SGTA: variants seen among roughly 807,000 people sequenced by gnomAD.
SGTA encodes the protein small glutamine rich tetratricopeptide repeat co-chaperone alpha, also known as small glutamine-rich tetratricopeptide repeat-containing protein alpha.
Under a neutral mutation model 44.3 loss-of-function variants are expected in SGTA, and 22 were observed. That is an observed-to-expected ratio of 0.50 (90% CI 0.36 to 0.71). The LOEUF is 0.71. Ranked by LOEUF, SGTA falls within the 30% of genes least tolerant of loss-of-function variation. The pLI, the probability that SGTA is intolerant of heterozygous loss-of-function variation, is 0.00. For missense variants in SGTA, 341 were observed against 435.9 expected (o/e 0.78, Z 1.94); for synonymous variants, 174 against 177.6 (o/e 0.98, Z 0.16).
At chr19:2,758,257 G>C (rs1014980533) in intron 9 of SGTA, among the ~76,000 whole-genome samples, 1 of 152,176 alleles carries the variant, frequency 6.6e-6, no homozygotes, top group African/African-American at 2.4e-5. Flanking sequence ...GGCCAGCCGC[G>C]GTGGCTCACA....
Position 2,761,336 on chromosome 19 carries a change from C to G in SGTA, c.699+124G>C. On this transcript the variant is annotated intron_variant, in intron 8 of 11. Transcript: ENST00000221566. This position sits in a 1 kb window ranked among gnomAD's most constrained non-coding sequence, Gnocchi z 5.7. ...GCCCAGGACGACCCCACAGACAAGA[C>G]CCATCTGGTTCCAGAAGCCAGCAGT... 1.1e-6 allele frequency: 1 copy of G among 912,982 alleles called. No homozygotes were observed. Among genetic ancestry groups the G allele is most frequent in the Non-Finnish European group, 1.7e-6 (1 of 584,490 alleles). The allele number at this position is 912,982 out of a possible 1,614,324, so 56.6% of individuals were successfully genotyped here.
chr19:2,770,187 C>G (rs1915268477), intron 1 of SGTA: 1 of 169,624 alleles, frequency 5.9e-6, no homozygotes, highest in African/African-American at 2.4e-5. Context: ...GTTCCTCATT[C>G]CCAGGACTTG....
Position 2,757,438 on chromosome 19 carries a change from G to T in SGTA, c.847C>A (p.Gln283Lys). ...AACTCTGGGTTCTGCTGCTGCATCT[G>T]CTGGGCAAACTGCTGGCCCCTGCGG... ...LIQAGQQFAQ[Q>K]MQQQNPELIE... Residue 283 changes from glutamine (Q) to lysine (K), a missense_variant, in exon 11 of 12, where the codon CAG becomes AAG. Gln to Lys is a moderately conservative substitution (Grantham distance 53). Transcript: ENST00000221566. The T allele has an allele frequency of 6.2e-7, 1 of 1,608,866 alleles. No individual in the cohort carries two copies.
chr19:2,762,660 G>A lies in SGTA; in HGVS notation c.498-16C>T, dbSNP rs375297779. On this transcript the variant is annotated splice_polypyrimidine_tract_variant and intron_variant, in intron 6 of 11. Coordinates refer to ENST00000221566, the MANE Select transcript of SGTA (RefSeq NM_003021.4). ...GAGCGCCAGGCTGGAGGAGAGCACC[G>A]GGGATGGACTGTTCCCATCTGCCCA... is the stretch of plus-strand genomic sequence containing the variant. 5.8e-5 allele frequency: 93 copies of A among 1,613,146 alleles called. No individual in the cohort carries two copies. The highest frequency in any genetic ancestry group is 1.7e-4 in the Middle Eastern group (1 of 6,054).
At chr19:2,760,201 T>C (rs1914943654) in intron 8 of SGTA, among the ~76,000 whole-genome samples, 1 of 152,018 alleles carries the variant, frequency 6.6e-6, no homozygotes, top group Non-Finnish European at 1.5e-5. Flanking sequence ...ACTAGGTGTA[T>C]GAATGGGCAT....
At chr19:2,777,278 G>A (rs371024232) in intron 1 of SGTA, among the ~76,000 whole-genome samples, 5 of 151,690 alleles carry the variant, frequency 3.3e-5, no homozygotes, top group South Asian at 2.1e-4. Context: ...ACCAGGCGCA[G>A]TGGCTCACAC....
rs1179621181 is a variant in SGTA at position 2,763,236 on chromosome 19, G to C, written c.497+417C>G. On this transcript the variant is annotated intron_variant, in intron 6 of 11. Transcript: ENST00000221566. The surrounding 1 kb of genome is among the most constrained non-coding windows in gnomAD (Gnocchi z 5.8). ...GCAGGCGAATGCACGCTTATGCTGG[G>C]AGGGCGGCACCGGCTGCACGGGGCG... Among the ~76,000 whole-genome samples the C allele has an allele frequency of 6.6e-6, 1 of 152,198 alleles. No individual in the cohort carries two copies. Among genetic ancestry groups the C allele is most frequent in the African/African-American group, 2.4e-5 (1 of 41,450 alleles).
chr19:2,767,808 A>T lies in SGTA; in HGVS notation c.101-122T>A, dbSNP rs1489216622. On this transcript the variant is annotated intron_variant, in intron 2 of 11. Coordinates refer to ENST00000221566, the MANE Select transcript of SGTA (RefSeq NM_003021.4). The surrounding 1 kb of genome is among the most constrained non-coding windows in gnomAD (Gnocchi z 7.3). ...GTGTGTTCATTCCCAAGGACCCCAG[A>T]ACGCAGGGGCCGCCGCCTGTGCTCT... is the stretch of plus-strand genomic sequence containing the variant. The T allele has an allele frequency of 1.4e-6, 1 of 735,226 alleles. No individual in the cohort carries two copies. The highest frequency in any genetic ancestry group is 1.7e-5 in the African/African-American group (1 of 57,274). The allele number at this position is 735,226 out of a possible 1,614,324, so 45.5% of individuals were successfully genotyped here.
At chr19:2,774,998 T>G (rs1163976632) in intron 1 of SGTA, among the ~76,000 whole-genome samples, 1 of 151,894 alleles carries the variant, frequency 6.6e-6, no homozygotes, top group East Asian at 1.9e-4. Context: ...TGCCCTGGAG[T>G]GCCCAGGACG....
Position 2,763,870 on chromosome 19 carries a change from TCA to T in SGTA, c.393-115_393-114del. On this transcript the variant is annotated intron_variant, in intron 5 of 11. Transcript: ENST00000221566. This position sits in a 1 kb window ranked among gnomAD's most constrained non-coding sequence, Gnocchi z 5.8. ...TCTCCAACTTCCTGGAGGAACGGCC[TCA>T]GTTTTCCCCATCTGTAAAATGGGGC... 1.3e-6 allele frequency: 1 copy of T among 755,706 alleles called. No homozygotes were observed. Among genetic ancestry groups the T allele is most frequent in the Non-Finnish European group, 2.1e-6 (1 of 466,726 alleles). The allele number at this position is 755,706 out of a possible 1,614,324, so 46.8% of individuals were successfully genotyped here. A position where few individuals can be genotyped will look rare whatever the true frequency, so the allele number is the denominator to read the frequency against.
chr19:2,773,944 G>A (rs531538434), intron 1 of SGTA, among the ~76,000 whole-genome samples: 2 of 119,724 alleles, frequency 1.7e-5, no homozygotes, highest in Admixed American at 7.7e-5. Context: ...CAGGGACTCC[G>A]AGGGCAGAGA....
chr19:2,763,766 G>A lies in SGTA; in HGVS notation c.393-9C>T, dbSNP rs1383112559. ...TGCTGTAGGCTGCGGCTCTGGGGAA[G>A]AAAAGGCAGGGCAGGTCCCTCACTG... On this transcript the variant is annotated splice_polypyrimidine_tract_variant and intron_variant, in intron 5 of 11. Coordinates refer to ENST00000221566, the MANE Select transcript of SGTA (RefSeq NM_003021.4). The surrounding 1 kb of genome is among the most constrained non-coding windows in gnomAD (Gnocchi z 5.8). 3 of 1,611,420 alleles carry A rather than the reference G, an allele frequency of 1.9e-6. No individual in the cohort carries two copies. The highest frequency in any genetic ancestry group is 3.3e-5 in the Admixed American group (2 of 59,872).
In SGTA at chr19:2,759,547, C is replaced by T. The variant is rs147321216; in HGVS notation, c.700-253G>A. The T allele has an allele frequency of 2.2e-3, 1,140 of 518,084 alleles. 7 individuals are homozygous for T. The highest frequency in any genetic ancestry group is 4.3e-3 in the South Asian group (181 of 42,538). The allele number at this position is 518,084 out of a possible 1,614,324, so 32.1% of individuals were successfully genotyped here. ...CAGGAGCGATCTCGCAGCGCCACAG[C>T]GCTCTCTCACTGGCTGCTGCGGTTT... On this transcript the variant is annotated intron_variant, in intron 8 of 11. Coordinates refer to ENST00000221566, the MANE Select transcript of SGTA (RefSeq NM_003021.4).
At chr19:2,770,685 T>C (rs943449353) in intron 1 of SGTA, 1 of 152,666 alleles carries the variant, frequency 6.6e-6, no homozygotes, top group African/African-American at 2.4e-5. Flanking sequence ...ATGAGGTCGC[T>C]GTGGTGGCCC....
In SGTA at chr19:2,767,794, C is replaced by A; in HGVS notation, c.101-108G>T. Reference sequence around the variant, plus strand: ...TCATGCTTCCCCAGGTGTGTTCATTCCCAAGGACCCCAGAACGCAGGGGCC... The same window carrying A: ...TCATGCTTCCCCAGGTGTGTTCATTACCAAGGACCCCAGAACGCAGGGGCC... On this transcript the variant is annotated intron_variant, in intron 2 of 11. Transcript: ENST00000221566. This position sits in a 1 kb window ranked among gnomAD's most constrained non-coding sequence, Gnocchi z 7.3. The A allele has an allele frequency of 1.2e-6, 1 of 800,710 alleles. No homozygotes were observed. The highest frequency in any genetic ancestry group is 2.1e-6 in the Non-Finnish European group (1 of 468,454). The allele number at this position is 800,710 out of a possible 1,614,324, so 49.6% of individuals were successfully genotyped here. A position where few individuals can be genotyped will look rare whatever the true frequency, so the allele number is the denominator to read the frequency against.
chr19:2,761,951 C>T lies in SGTA; in HGVS notation c.637-429G>A, dbSNP rs929307159. 1.7e-4 allele frequency among the ~76,000 whole-genome samples: 26 copies of T among 152,296 alleles called. No individual in the cohort carries two copies. The highest frequency in any genetic ancestry group is 6.2e-4 in the South Asian group (3 of 4,832). On this transcript the variant is annotated intron_variant, in intron 7 of 11. Transcript: ENST00000221566. The surrounding 1 kb of genome is among the most constrained non-coding windows in gnomAD (Gnocchi z 5.7). ...CCCGTGTTGATTTCCTGTATTCTGC[C>T]GCTTTGACACCTTGGGGCCTTGCTG...
At position 2,755,789 on chromosome 19, in the gene SGTA, G is replaced by A; in HGVS notation, c.*151C>T. ...CAAAAAGGGAGTGGAGGAGGGCAGA[G>A]ATAAAAGGGGAAAATCCATCTTGAC... On this transcript the variant is annotated 3_prime_UTR_variant, in exon 12 of 12. Coordinates refer to ENST00000221566, the MANE Select transcript of SGTA (RefSeq NM_003021.4). This position sits in a 1 kb window ranked among gnomAD's most constrained non-coding sequence, Gnocchi z 5.2. 1 of 985,602 alleles carries A rather than the reference G, an allele frequency of 1.0e-6. No individual in the cohort carries two copies. The highest frequency in any genetic ancestry group is 1.2e-6 in the Non-Finnish European group (1 of 830,046). The allele number at this position is 985,602 out of a possible 1,614,324, so 61.1% of individuals were successfully genotyped here.
At chr19:2,757,927 C>A in intron 9 of SGTA, 145 bp from the exon 10 acceptor site, 1 of 540,068 alleles carries the variant, frequency 1.9e-6, no homozygotes, top group African/African-American at 1.9e-5. Context: ...CCTGGTGGGC[C>A]TCCAGGGCCC....
At chr19:2,770,376 GGGCCTC>G (rs1303075967) in intron 1 of SGTA, 2 of 152,386 alleles carry the variant, frequency 1.3e-5, no homozygotes, top group East Asian at 3.9e-4. Context: ...CAACTTGGAG[GGGCCTC>G]GGCCACAGTG....
Sources: gnomAD v4.1 joint callset for allele counts (sites outside exome capture counted in the v4.1 genomes callset) on GRCh38, gnomAD v4.1.1 for gene constraint, Gnocchi (gnomAD v3.1) non-coding constraint, MANE v1.5 for transcripts, NCBI Gene and HGNC (gene_info 2026-07-23, HGNC 2026-07-21) for gene names.